NAIP: variants seen among roughly 807,000 people sequenced by gnomAD.
The protein encoded by NAIP is NLR family apoptosis inhibitory protein.
Under a neutral mutation model 23.0 loss-of-function variants are expected in NAIP, and 15 were observed. The observed-to-expected ratio is 0.65, with a 90% CI of 0.44 to 1.00. The LOEUF is 1.00. NAIP is among the 50% of genes least tolerant of loss of function. The pLI is 0.00. For synonymous variants in NAIP, 100 were observed against 100.2 expected (o/e 1.00, Z 0.01); for missense variants, 265 against 278.8 (o/e 0.95, Z 0.35).
Position 71,012,509 on chromosome 5 carries a change from G to A in NAIP, c.407C>T (p.Ala136Val). The A allele has an allele frequency of 6.2e-7, 1 of 1,611,584 alleles. No individual in the cohort carries two copies. ...FLLNKDVGNI[A>V]KYDIRVKNLK... The stretch of plus-strand genomic sequence containing the variant: ...ATTCTTCACCCTTATGTCGTACTTG[G>A]CAATGTTACCAACATCCTTGTTCAA... The change falls in exon 4 of 17, where the codon GCC becomes GTC. Residue 136 changes from alanine to valine, a missense_variant. Coordinates refer to ENST00000517649, the MANE Select transcript of NAIP (RefSeq NM_004536.3).
At chr5:71,014,017 G>A (rs1215083767) in intron 3 of NAIP, among the ~76,000 whole-genome samples, 5 of 151,290 alleles carry the variant, frequency 3.3e-5, no homozygotes, top group African/African-American at 9.7e-5. Context: ...ACTAATTTTC[G>A]TGCCTTTTTC....
chr5:71,013,016 G>A, intron 3 of NAIP, 98 bp from the exon 4 acceptor site: 2 of 1,078,604 alleles, frequency 1.9e-6, no homozygotes, highest in Non-Finnish European at 2.6e-6. Context: ...TTAAAGGAAT[G>A]CCTGGAATTT....
intron 3 of NAIP, among the ~76,000 whole-genome samples, chr5:71,016,074 G>A (rs1331327157): frequency 1.3e-5 from 2 of 148,420 alleles, no homozygotes; most frequent in Non-Finnish European, 3.0e-5. Flanking sequence ...GAGACCAGGA[G>A]TTGAGATCAG....
Position 71,012,583 on chromosome 5 carries a change from T to G in NAIP, c.333A>C (p.Arg111Ser). 1 of 1,611,522 alleles carries G rather than the reference T, an allele frequency of 6.2e-7. No homozygotes were observed. Among genetic ancestry groups the G allele is most frequent in the South Asian group, 1.1e-5 (1 of 90,940 alleles). ...SLILFGAGLT[R>S]LPIEDHKRFH... is the part of the protein sequence containing the mutation. The stretch of plus-strand genomic sequence containing the variant: ...ACCTCTTGTGGTCTTCTATGGGGAG[T>G]CTCGTGAGGCCGGCACCAAAGAGGA... The change falls in exon 4 of 17, where the codon AGA (arginine) becomes AGC (serine). Residue 111 changes from arginine (R) to serine (S), a missense_variant. Arg to Ser is a moderately radical substitution (Grantham distance 110). This residue lies in a region of NAIP where 261 missense variants were observed against 259.2 expected (regional missense o/e 1.01). Transcript: ENST00000517649.
chr5:71,007,939 G>A (rs1482935120), intron 5 of NAIP, among the ~76,000 whole-genome samples: 1 of 135,364 alleles, frequency 7.4e-6, no homozygotes, highest in Non-Finnish European at 1.6e-5. Flanking sequence ...TAGGAGAGGA[G>A]AGAGGAGAGA....
intron 3 of NAIP, among the ~76,000 whole-genome samples, chr5:71,014,103 CTTTT>C (rs879631494): frequency 6.4e-5 from 9 of 139,854 alleles, no homozygotes; most frequent in Non-Finnish European, 1.4e-4. Context: ...GTAATTCCTC[CTTTT>C]TTTTTTTTTT....
In NAIP at chr5:71,011,136, G is replaced by C. The variant is rs188756267; in HGVS notation, c.668+139C>G. 93 of 632,806 alleles carry C rather than the reference G, an allele frequency of 1.5e-4. 1 individual carries two copies. The highest frequency in any genetic ancestry group is 1.2e-4 in the Non-Finnish European group (44 of 373,846). 39.2% of individuals were successfully genotyped at this position (632,806 alleles called of 1,614,324 possible). A position where few individuals can be genotyped will look rare whatever the true frequency, so the allele number is the denominator to read the frequency against. ...TAATCCCAGCTACTCAGAAGGCTGAGGCAGGAGAATCACCTGAACCAGGGA... is the reference window on the plus strand; with the variant it reads ...TAATCCCAGCTACTCAGAAGGCTGACGCAGGAGAATCACCTGAACCAGGGA... On this transcript the variant is annotated intron_variant, in intron 5 of 16. Transcript: ENST00000517649.
chr5:71,014,579 G>C (rs1163854316), intron 3 of NAIP, among the ~76,000 whole-genome samples: 2 of 151,668 alleles, frequency 1.3e-5, no homozygotes, highest in Non-Finnish European at 2.9e-5. Context: ...TTTGGATTGA[G>C]AGATTAACAT....
intron 3 of NAIP, 115 bp from the exon 4 acceptor site, chr5:71,013,033 A>G: frequency 1.0e-6 from 1 of 983,396 alleles, no homozygotes; most frequent in Non-Finnish European, 1.5e-6. Context: ...ATTTCAACAC[A>G]AAAGATAAAT....
chr5:71,016,155 A>C (rs1751436460), intron 3 of NAIP, among the ~76,000 whole-genome samples: 3 of 150,774 alleles, frequency 2.0e-5, no homozygotes, highest in African/African-American at 7.3e-5. Context: ...TTAGCGGGGC[A>C]TGGTGGCATG....
At chr5:71,011,106 A>C (rs1751131591) in intron 5 of NAIP, among the ~76,000 whole-genome samples, 169 bp downstream of exon 5, 2 of 151,062 alleles carry the variant, frequency 1.3e-5, no homozygotes, top group Admixed American at 1.3e-4. Flanking sequence ...GGTGGTGCAC[A>C]CCTATAATCC....
chr5:71,011,030 C>T (rs973624093), intron 5 of NAIP, among the ~76,000 whole-genome samples: 8 of 150,880 alleles, frequency 5.3e-5, no homozygotes, highest in Non-Finnish European at 1.2e-4. Context: ...CTCAGGAGCT[C>T]AAGACCAGCC....
chr5:71,015,238 A>T (rs1348770569), intron 3 of NAIP, among the ~76,000 whole-genome samples: 1 of 151,304 alleles, frequency 6.6e-6, no homozygotes, highest in Non-Finnish European at 1.5e-5. Flanking sequence ...AATTAGCCAG[A>T]TGTGTTGGCA....
At chr5:71,011,212 G>A in intron 5 of NAIP, 63 bp downstream of exon 5, 1 of 1,260,234 alleles carries the variant, frequency 7.9e-7, no homozygotes, top group Non-Finnish European at 1.1e-6. Context: ...CAGCCTGGGT[G>A]GCAGAGCAAG....
chr5:71,012,529 G>T lies in NAIP; in HGVS notation c.387C>A (p.Asn129Lys). 1 of 1,611,640 alleles carries T rather than the reference G, an allele frequency of 6.2e-7. No individual in the cohort carries two copies. Among genetic ancestry groups the T allele is most frequent in the South Asian group, 1.1e-5 (1 of 90,956 alleles). ...RFHPDCGFLL[N>K]KDVGNIAKYD... ...ACTTGGCAATGTTACCAACATCCTT[G>T]TTCAAAAGGAACCCACAATCTGGAT... Residue 129 changes from asparagine (N) to lysine (K), a missense_variant, in exon 4 of 17, where the codon AAC becomes AAA. By Grantham distance (94) the Asn-to-Lys change is moderately conservative (BLOSUM62 0). This residue lies in a region of NAIP where 261 missense variants were observed against 259.2 expected (regional missense o/e 1.01). Transcript: ENST00000517649.
chr5:70,972,812 A>G (rs1260260428), intron 16 of NAIP, among the ~76,000 whole-genome samples: 1 of 71,244 alleles, frequency 1.4e-5, no homozygotes, highest in Non-Finnish European at 3.4e-5. Flanking sequence ...GAGAGAGACC[A>G]CAAAATTTAA....
intron 8 of NAIP, among the ~76,000 whole-genome samples, chr5:71,000,446 A>G (rs1244040379): frequency 8.3e-6 from 1 of 119,972 alleles, no homozygotes; most frequent in Admixed American, 8.7e-5. Flanking sequence ...CCCAATATTT[A>G]GCTGGGCACA....
rs142807071 is a variant in NAIP, at chr5:71,012,595, G to A, written c.321C>T (p.Ala107=). 1.3e-3 allele frequency: 2,080 copies of A among 1,611,634 alleles called. 3 individuals carry two copies. The highest frequency in any genetic ancestry group is 1.6e-3 in the Non-Finnish European group (1,848 of 1,178,308). Residue 107 remains alanine (A), a synonymous_variant, in exon 4 of 17, where the codon GCC becomes GCT. Coordinates refer to ENST00000517649, the MANE Select transcript of NAIP (RefSeq NM_004536.3). The part of the protein sequence containing the change: ...CFCCSLILFG[A]GLTRLPIEDH... ...CTTCTATGGGGAGTCTCGTGAGGCC[G>A]GCACCAAAGAGGATTAGGCTACAGC...
chr5:70,978,527 T>TTTG (rs1241082077), intron 13 of NAIP, among the ~76,000 whole-genome samples: 1 of 119,558 alleles, frequency 8.4e-6, no homozygotes, highest in Non-Finnish European at 1.7e-5. Flanking sequence ...GTGTTCAGTG[T>TTTG]TTACTAAGTT....
Sources: gnomAD v4.1 joint callset for allele counts (sites outside exome capture counted in the v4.1 genomes callset) on GRCh38, gnomAD v4.1.1 for gene constraint, gnomAD v4.1.1 regional missense constraint, MANE v1.5 for transcripts, NCBI Gene and HGNC (gene_info 2026-07-23, HGNC 2026-07-21) for gene names.